Variants in PLAG1 observed in about 807,000 individuals in gnomAD.
The protein encoded by PLAG1 is zinc finger protein PLAG1.
Under a neutral mutation model 35.5 loss-of-function variants are expected in PLAG1, and 7 were observed. That is an observed-to-expected ratio of 0.20 (90% CI 0.11 to 0.37). PLAG1 has a LOEUF of 0.37. PLAG1 is among the 10% of genes least tolerant of loss of function. The probability of loss-of-function intolerance (pLI) is 1.00; values close to 1 mark genes in which losing one functional copy is unlikely to be tolerated. For synonymous variants in PLAG1, 229 were observed against 225.4 expected (o/e 1.02, Z -0.14); for missense variants, 454 against 602.8 (o/e 0.75, Z 2.58).
intron 2 of PLAG1, among the ~76,000 whole-genome samples, chr8:56,175,805 G>A (rs1230053092): frequency 2.0e-5 from 3 of 152,106 alleles, no homozygotes; most frequent in African/African-American, 7.2e-5. Context: ...GAATTCCAAA[G>A]TGGAATCAGA....
intron 1 of PLAG1, among the ~76,000 whole-genome samples, chr8:56,194,605 GTGTT>G (rs930076740): frequency 2.0e-5 from 3 of 151,812 alleles, no homozygotes; most frequent in African/African-American, 7.3e-5. Flanking sequence ...GAATGTATGT[GTGTT>G]TGTGTGTGTG....
At chr8:56,207,410 C>G (rs1011504874) in intron 1 of PLAG1, among the ~76,000 whole-genome samples, 2 of 151,958 alleles carry the variant, frequency 1.3e-5, no homozygotes, top group African/African-American at 4.8e-5. Context: ...CCCACCTGTG[C>G]ATGTTATTAA....
chr8:56,210,800 T>G (rs1179991833), intron 1 of PLAG1, among the ~76,000 whole-genome samples: 3 of 151,348 alleles, frequency 2.0e-5, no homozygotes, highest in Admixed American at 2.0e-4. Flanking sequence ...GAGGAAAACT[T>G]TTCAAACTTT....
At chr8:56,198,565 A>G (rs1175136817) in intron 1 of PLAG1, among the ~76,000 whole-genome samples, 1 of 152,230 alleles carries the variant, frequency 6.6e-6, no homozygotes, top group Admixed American at 6.5e-5. Context: ...AAGACAGTCC[A>G]GCAAGATGGC....
intron 2 of PLAG1, among the ~76,000 whole-genome samples, chr8:56,172,122 T>C (rs1455498701): frequency 1.3e-5 from 2 of 152,214 alleles, no homozygotes; most frequent in African/African-American, 2.4e-5. Context: ...ATAACAGATA[T>C]GTTAATGACA....
intron 1 of PLAG1, chr8:56,209,397 G>C (rs966720771): frequency 2.6e-5 from 4 of 152,198 alleles, no homozygotes; most frequent in Admixed American, 2.6e-4. Context: ...ACTCCTATGG[G>C]TGGGTGCACT....
At chr8:56,191,965 T>C (rs942749937) in intron 1 of PLAG1, among the ~76,000 whole-genome samples, 4 of 152,086 alleles carry the variant, frequency 2.6e-5, no homozygotes, top group Non-Finnish European at 5.9e-5. Flanking sequence ...CAAGTTGGGG[T>C]TAACTGGGAT....
At chr8:56,193,549 A>T (rs1812250960) in intron 1 of PLAG1, among the ~76,000 whole-genome samples, 1 of 152,116 alleles carries the variant, frequency 6.6e-6, no homozygotes, top group South Asian at 2.1e-4. Context: ...TCATTTTTGT[A>T]CCCTTGACCC....
chr8:56,209,958 G>T (rs1203950152), intron 1 of PLAG1, among the ~76,000 whole-genome samples: 1 of 151,988 alleles, frequency 6.6e-6, no homozygotes, highest in Non-Finnish European at 1.5e-5. Context: ...ACCCCGCAAA[G>T]ATCATTAAAA....
intron 1 of PLAG1, among the ~76,000 whole-genome samples, chr8:56,195,799 G>A (rs1399933401): frequency 6.6e-6 from 1 of 152,132 alleles, no homozygotes; most frequent in East Asian, 1.9e-4. Context: ...GAGGGGGCCA[G>A]CGCCCAGGGA....
At chr8:56,184,773 C>T (rs965576646) in intron 1 of PLAG1, among the ~76,000 whole-genome samples, 6 of 151,980 alleles carry the variant, frequency 3.9e-5, no homozygotes, top group African/African-American at 7.3e-5. Flanking sequence ...AAAAATTAGC[C>T]GGTTGTGGTG....
chr8:56,181,723 T>C (rs1811869518), intron 1 of PLAG1, among the ~76,000 whole-genome samples: 1 of 151,980 alleles, frequency 6.6e-6, no homozygotes, highest in Non-Finnish European at 1.5e-5. Flanking sequence ...AGTATGTATA[T>C]AAAAAAAGAA....
In PLAG1 at chr8:56,195,059, G is replaced by T. The variant is rs147994214; in HGVS notation, c.-321-15546C>A. 5.3e-3 allele frequency among the ~76,000 whole-genome samples: 811 copies of T among 152,210 alleles called. 9 individuals are homozygous for T. Among genetic ancestry groups the T allele is most frequent in the African/African-American group, 0.018 (749 of 41,520 alleles). ...AGACTCAATTTTCTTAGTGAACTTG[G>T]GGGGTAAAGTTACCTAATGACTATC... is the stretch of plus-strand genomic sequence containing the variant. On this transcript the variant is annotated intron_variant, in intron 1 of 4. Transcript: ENST00000316981.
chr8:56,168,365 C>T lies in PLAG1; in HGVS notation c.-96G>A, dbSNP rs1235333885. The T allele has an allele frequency of 8.2e-6, 11 of 1,345,970 alleles. No homozygotes were observed. The highest frequency in any genetic ancestry group is 1.1e-5 in the Non-Finnish European group (11 of 1,040,452). 83.4% of individuals were successfully genotyped at this position (1,345,970 alleles called of 1,614,324 possible). A position where few individuals can be genotyped will look rare whatever the true frequency, so the allele number is the denominator to read the frequency against. On this transcript the variant is annotated 5_prime_UTR_variant, in exon 4 of 5. Coordinates refer to ENST00000316981, the MANE Select transcript of PLAG1 (RefSeq NM_002655.3). The stretch of plus-strand genomic sequence containing the variant: ...GGTGGCTTCTCAAGTTTCATGTGGT[C>T]GTAAAAGAAAGCAAAAAGGGACTGG...
chr8:56,166,113 G>A lies in PLAG1; in HGVS notation c.*130C>T, dbSNP rs1205768541. ...AAAAGCTAGTTTCTATTTTATACTG[G>A]CTTAATGAAAATTTGTATTATACAA... On this transcript the variant is annotated 3_prime_UTR_variant, in exon 5 of 5. Transcript: ENST00000316981. 1.7e-6 allele frequency: 1 copy of A among 598,412 alleles called. No individual in the cohort carries two copies. Among genetic ancestry groups the A allele is most frequent in the African/African-American group, 1.8e-5 (1 of 54,344 alleles). 37.1% of individuals were successfully genotyped at this position (598,412 alleles called of 1,614,324 possible). A position where few individuals can be genotyped will look rare whatever the true frequency, so the allele number is the denominator to read the frequency against.
chr8:56,178,480 T>C (rs1811772567), intron 2 of PLAG1, among the ~76,000 whole-genome samples: 1 of 152,222 alleles, frequency 6.6e-6, no homozygotes. Context: ...TACAGTATAC[T>C]GATAGCTAAA....
intron 2 of PLAG1, among the ~76,000 whole-genome samples, chr8:56,174,442 T>C (rs1417976535): frequency 6.6e-6 from 1 of 152,150 alleles, no homozygotes; most frequent in Non-Finnish European, 1.5e-5. Context: ...CTTTCCATAG[T>C]CTGTAAAATC....
chr8:56,179,616 T>C (rs1811806919), intron 1 of PLAG1, 103 bp from the exon 2 acceptor site: 1 of 155,600 alleles, frequency 6.4e-6, no homozygotes, highest in Admixed American at 6.5e-5. Flanking sequence ...TTTATTCACA[T>C]TCTTTGCACT....
At chr8:56,189,740 C>G (rs763521746) in intron 1 of PLAG1, among the ~76,000 whole-genome samples, 31 of 152,142 alleles carry the variant, frequency 2.0e-4, no homozygotes, top group African/African-American at 7.5e-4. Flanking sequence ...AAAGAGCCAA[C>G]TGAACTGAGA....
Sources: gnomAD v4.1 joint callset for allele counts (sites outside exome capture counted in the v4.1 genomes callset) on GRCh38, gnomAD v4.1.1 for gene constraint, MANE v1.5 for transcripts, NCBI Gene and HGNC (gene_info 2026-07-23, HGNC 2026-07-21) for gene names.